Variants in STK3 observed in about 807,000 individuals in gnomAD.
STK3 encodes serine/threonine-protein kinase 3.
A neutral mutation model predicts 58.0 loss-of-function variants in STK3; 41 were observed. That is an observed-to-expected ratio of 0.71 (90% CI 0.55 to 0.92). The LOEUF is 0.92. STK3 is among the 40% of genes least tolerant of loss of function. The pLI is 0.00. For synonymous variants in STK3, 170 were observed against 191.0 expected (o/e 0.89, Z 0.91); for missense variants, 479 against 602.7 (o/e 0.79, Z 2.15).
chr8:98,546,248 A>C (rs1326056071), intron 9 of STK3, among the ~76,000 whole-genome samples: 1 of 152,200 alleles, frequency 6.6e-6, no homozygotes, highest in East Asian at 1.9e-4. Flanking sequence ...TGTCAAATCT[A>C]AAAGTCACTA....
intron 1 of STK3, among the ~76,000 whole-genome samples, chr8:98,446,936 G>A (rs1818976007): frequency 6.6e-6 from 1 of 152,134 alleles, no homozygotes; most frequent in Non-Finnish European, 1.5e-5. Flanking sequence ...TGTCTTTTGT[G>A]AGGACATGGA....
At chr8:98,654,782 G>A (rs1437671662) in intron 6 of STK3, among the ~76,000 whole-genome samples, 5 of 152,102 alleles carry the variant, frequency 3.3e-5, no homozygotes, top group Admixed American at 6.6e-5. Context: ...TAAAAGGGAC[G>A]TGAAGGACCT....
intron 8 of STK3, among the ~76,000 whole-genome samples, chr8:98,560,941 G>A (rs1477926280): frequency 2.0e-5 from 3 of 152,088 alleles, no homozygotes; most frequent in African/African-American, 4.8e-5. Context: ...GCTGATGTGA[G>A]AAAATCACTT....
chr8:98,411,412 C>A (rs955512293), intron 3 of STK3, among the ~76,000 whole-genome samples: 1 of 152,216 alleles, frequency 6.6e-6, no homozygotes, highest in East Asian at 1.9e-4. Flanking sequence ...GCCAATAGGC[C>A]CCCTCACAAC....
chr8:98,654,921 A>T (rs1489688369), intron 6 of STK3, among the ~76,000 whole-genome samples: 1 of 152,180 alleles, frequency 6.6e-6, no homozygotes, highest in Non-Finnish European at 1.5e-5. Flanking sequence ...AAGGTAGTTT[A>T]TAGATTCAAT....
intron 3 of STK3, among the ~76,000 whole-genome samples, chr8:98,834,886 T>C (rs1247712896): frequency 6.6e-6 from 1 of 152,258 alleles, no homozygotes; most frequent in African/African-American, 2.4e-5. Flanking sequence ...AGCTTGAGAA[T>C]GACCTTCTGA....
intron 4 of STK3, among the ~76,000 whole-genome samples, chr8:98,740,707 T>A (rs1829125744): frequency 6.6e-6 from 1 of 152,150 alleles, no homozygotes; most frequent in Admixed American, 6.5e-5. Context: ...AATAACCAGC[T>A]AACATCATAA....
intron 6 of STK3, among the ~76,000 whole-genome samples, chr8:98,663,351 C>T (rs1295213981): frequency 6.6e-6 from 1 of 152,140 alleles, no homozygotes; most frequent in East Asian, 1.9e-4. Context: ...GAATGGCAAT[C>T]ATTAAAAAGT....
intron 1 of STK3, among the ~76,000 whole-genome samples, chr8:98,926,494 C>G (rs1216614626): frequency 6.6e-6 from 1 of 152,026 alleles, no homozygotes; most frequent in Admixed American, 6.5e-5. Context: ...CATATTAGTG[C>G]CCTGGGCTAA....
chr8:98,893,457 A>G (rs1838294533), intron 1 of STK3, among the ~76,000 whole-genome samples: 2 of 107,184 alleles, frequency 1.9e-5, no homozygotes, highest in East Asian at 5.4e-4. Context: ...AAAGAAAGAA[A>G]GAAAGAAAGA....
chr8:98,430,370 T>G (rs1037812210), intron 3 of STK3: 4 of 167,134 alleles, frequency 2.4e-5, no homozygotes, highest in African/African-American at 9.6e-5. Context: ...TTAAGATGTT[T>G]AGGAGTAAGG....
intron 6 of STK3, among the ~76,000 whole-genome samples, chr8:98,599,267 G>C (rs1462008269): frequency 6.6e-6 from 1 of 152,046 alleles, no homozygotes; most frequent in Non-Finnish European, 1.5e-5. Context: ...CAGGTAACAA[G>C]CTAAATAAAA....
intron 1 of STK3, among the ~76,000 whole-genome samples, chr8:98,379,417 T>G (rs769269687): frequency 1.3e-5 from 2 of 152,194 alleles, no homozygotes; most frequent in Non-Finnish European, 2.9e-5. Context: ...ATGCAATCAC[T>G]CCACTCAAAA....
chr8:98,548,534 G>A (rs1313725807), intron 8 of STK3, among the ~76,000 whole-genome samples: 1 of 152,020 alleles, frequency 6.6e-6, no homozygotes, highest in Non-Finnish European at 1.5e-5. Context: ...ATTATAATGG[G>A]CATAATGATG....
intron 1 of STK3, among the ~76,000 whole-genome samples, chr8:98,814,089 C>T (rs751627713): frequency 1.3e-5 from 2 of 152,218 alleles, no homozygotes; most frequent in African/African-American, 2.4e-5. Flanking sequence ...CTCACTCTGT[C>T]GCCCAGGCAG....
intron 3 of STK3, among the ~76,000 whole-genome samples, chr8:98,424,894 G>A (rs1374518833): frequency 6.6e-6 from 1 of 152,200 alleles, no homozygotes; most frequent in African/African-American, 2.4e-5. Flanking sequence ...GCTCTGGAGG[G>A]GCCGGAAGGC....
chr8:98,702,922 T>C (rs981440907), intron 6 of STK3, among the ~76,000 whole-genome samples: 1 of 152,220 alleles, frequency 6.6e-6, no homozygotes, highest in African/African-American at 2.4e-5. Context: ...TTTACTTATA[T>C]TAAAATAACT....
chr8:98,429,485 C>T, intron 3 of STK3: 5 of 1,117,418 alleles, frequency 4.5e-6, no homozygotes, highest in Non-Finnish European at 6.6e-6. Flanking sequence ...GCCCAGGCAC[C>T]TTATGGTTAT....
intron 1 of STK3, among the ~76,000 whole-genome samples, chr8:98,918,551 C>T (rs1042374863): frequency 6.6e-6 from 1 of 152,130 alleles, no homozygotes; most frequent in Admixed American, 6.5e-5. Flanking sequence ...AGGAGGACCG[C>T]TTGAGCCTAG....
Sources: gnomAD v4.1 joint callset for allele counts (sites outside exome capture counted in the v4.1 genomes callset) on GRCh38, gnomAD v4.1.1 for gene constraint, MANE v1.5 for transcripts, NCBI Gene and HGNC (gene_info 2026-07-23, HGNC 2026-07-21) for gene names.